Variants in IGSF21 observed in about 807,000 individuals in gnomAD.
IGSF21 encodes the protein immunoglobulin superfamily member 21.
A neutral mutation model predicts 46.8 loss-of-function variants in IGSF21; 28 were observed. The observed-to-expected ratio is 0.60, with a 90% CI of 0.44 to 0.82. The LOEUF (loss-of-function observed/expected upper bound fraction) is 0.82. IGSF21 is among the 40% of genes least tolerant of loss of function. The probability of loss-of-function intolerance (pLI) is 0.00; values close to 1 mark genes in which losing one functional copy is unlikely to be tolerated. For synonymous variants in IGSF21, 284 were observed against 273.6 expected (o/e 1.04, Z -0.38); for missense variants, 624 against 665.5 (o/e 0.94, Z 0.69).
chr1:18,252,049 T>TG (rs2084847201), intron 2 of IGSF21, among the ~76,000 whole-genome samples: 1 of 130,302 alleles, frequency 7.7e-6, no homozygotes. Flanking sequence ...CAAGGCGTTT[T>TG]TTTTTTTTTT....
At chr1:18,167,741 C>T (rs2086693240) in intron 1 of IGSF21, 1 of 152,194 alleles carries the variant, frequency 6.6e-6, no homozygotes, top group African/African-American at 2.4e-5. Context: ...CTATTTGGGA[C>T]CTCACCTCCA....
chr1:18,375,033 CTTCA>C (rs1049676186), intron 6 of IGSF21, among the ~76,000 whole-genome samples: 4 of 152,176 alleles, frequency 2.6e-5, no homozygotes, highest in African/African-American at 9.7e-5. Context: ...GCCTCGTGAG[CTTCA>C]CAGCTCAGCT....
chr1:18,360,400 T>C (rs549335599), intron 4 of IGSF21, among the ~76,000 whole-genome samples: 1 of 152,344 alleles, frequency 6.6e-6, no homozygotes, highest in East Asian at 1.9e-4. Context: ...TTCATTTCAC[T>C]AGGCCTTGAA....
intron 6 of IGSF21, among the ~76,000 whole-genome samples, chr1:18,373,552 G>A (rs574212298): frequency 2.6e-5 from 4 of 152,278 alleles, no homozygotes; most frequent in Non-Finnish European, 5.9e-5. Flanking sequence ...GCAGCTGCCA[G>A]GATAGAGCTT....
At chr1:18,215,583 C>A (rs1340106407) in intron 1 of IGSF21, among the ~76,000 whole-genome samples, 1 of 152,292 alleles carries the variant, frequency 6.6e-6, no homozygotes, top group East Asian at 1.9e-4. Flanking sequence ...GGCAAAGTGA[C>A]GGTCTTCCAG....
intron 1 of IGSF21, among the ~76,000 whole-genome samples, chr1:18,123,822 G>A (rs1388629664): frequency 6.6e-6 from 1 of 152,168 alleles, no homozygotes; most frequent in Non-Finnish European, 1.5e-5. Context: ...TGAGGCTGGA[G>A]GGGACACAGG....
intron 6 of IGSF21, among the ~76,000 whole-genome samples, chr1:18,369,640 AG>A (rs1225183075): frequency 2.0e-4 from 31 of 152,336 alleles, no homozygotes; most frequent in Admixed American, 1.9e-3. Context: ...TGGGTGAGAC[AG>A]TGGGACGGAT....
chr1:18,340,541 C>T (rs1165867169), intron 4 of IGSF21, among the ~76,000 whole-genome samples: 3 of 152,216 alleles, frequency 2.0e-5, no homozygotes, highest in South Asian at 4.1e-4. Flanking sequence ...TCCCTGGACT[C>T]ACATTCTCTA....
chr1:18,287,772 G>T (rs926745305), intron 2 of IGSF21, among the ~76,000 whole-genome samples: 3 of 152,142 alleles, frequency 2.0e-5, no homozygotes, highest in Non-Finnish European at 2.9e-5. Flanking sequence ...GCAAATTCTC[G>T]GTCCCTGCTC....
chr1:18,199,090 C>T (rs543259400), intron 1 of IGSF21, among the ~76,000 whole-genome samples: 3 of 152,142 alleles, frequency 2.0e-5, no homozygotes, highest in Admixed American at 6.5e-5. Flanking sequence ...TGAATTAGGC[C>T]CATGTCCTTC....
At chr1:18,314,062 G>T (rs1212088146) in intron 3 of IGSF21, among the ~76,000 whole-genome samples, 1 of 152,170 alleles carries the variant, frequency 6.6e-6, no homozygotes, top group Non-Finnish European at 1.5e-5. Context: ...ATATCATTGG[G>T]CAAGGCTGCA....
intron 3 of IGSF21, among the ~76,000 whole-genome samples, chr1:18,314,243 C>T (rs1171474248): frequency 6.6e-6 from 1 of 151,750 alleles, no homozygotes; most frequent in African/African-American, 2.4e-5. Context: ...CTTGATAAAC[C>T]TATTCTCCTG....
chr1:18,345,874 G>T (rs2085887715), intron 4 of IGSF21, among the ~76,000 whole-genome samples: 1 of 152,212 alleles, frequency 6.6e-6, no homozygotes. Flanking sequence ...CAGGCTGCCT[G>T]CCAAGCGCAG....
At chr1:18,367,603 C>CTTGTTTTTTTTTTT (rs2086179776) in intron 6 of IGSF21, among the ~76,000 whole-genome samples, 1 of 73,952 alleles carries the variant, frequency 1.4e-5, no homozygotes, top group Non-Finnish European at 2.5e-5. Flanking sequence ...CTCTCTCTCT[C>CTTGTTTTTTTTTTT]TTTTTTTTTT....
At chr1:18,215,963 C>T (rs1441777309) in intron 1 of IGSF21, among the ~76,000 whole-genome samples, 1 of 152,186 alleles carries the variant, frequency 6.6e-6, no homozygotes, top group African/African-American at 2.4e-5. Flanking sequence ...CATCCTGTGT[C>T]AAGCATTATG....
intron 1 of IGSF21, among the ~76,000 whole-genome samples, chr1:18,147,674 A>C (rs1298379799): frequency 1.3e-5 from 2 of 152,166 alleles, no homozygotes; most frequent in Non-Finnish European, 2.9e-5. Context: ...TATGATGATG[A>C]AACATTGTGT....
intron 2 of IGSF21, among the ~76,000 whole-genome samples, chr1:18,273,472 C>CT (rs1393781709): frequency 7.2e-4 from 27 of 37,434 alleles, no homozygotes; most frequent in East Asian, 7.6e-3. Context: ...CTCTTTCTTT[C>CT]TTTCTTTCTT....
intron 6 of IGSF21, among the ~76,000 whole-genome samples, chr1:18,373,305 G>A (rs1239270859): frequency 6.6e-6 from 1 of 152,186 alleles, no homozygotes; most frequent in Non-Finnish European, 1.5e-5. Flanking sequence ...GGAAAGTCCG[G>A]AGACTAAGAG....
intron 1 of IGSF21, among the ~76,000 whole-genome samples, chr1:18,163,888 G>T (rs78710036): frequency 6.6e-6 from 1 of 152,264 alleles, no homozygotes; most frequent in Non-Finnish European, 1.5e-5. Context: ...TAACAATAAC[G>T]GGTGTTTTCC....
Sources: allele counts gnomAD v4.1 joint callset (sites outside exome capture counted in the v4.1 genomes callset), GRCh38; gene constraint gnomAD v4.1.1; transcripts MANE v1.5; gene names NCBI Gene and HGNC (gene_info 2026-07-23, HGNC 2026-07-21).